OSBP2: variants seen among roughly 807,000 people sequenced by gnomAD.
The protein encoded by OSBP2 is oxysterol-binding protein 2.
In OSBP2, 66 loss-of-function variants were observed where a neutral mutation model predicts 96.0. The ratio of observed to expected loss-of-function variants is 0.69; its 90% CI spans 0.56 to 0.84. The LOEUF (loss-of-function observed/expected upper bound fraction) is 0.84. Ranked by LOEUF, OSBP2 falls within the 40% of genes least tolerant of loss-of-function variation. OSBP2 has a pLI of 0.00. For missense variants in OSBP2, 1,038 were observed against 1,222.7 expected (o/e 0.85, Z 2.25); for synonymous variants, 525 against 520.9 (o/e 1.01, Z -0.11).
intron 12 of OSBP2, among the ~76,000 whole-genome samples, chr22:30,903,671 T>G (rs556803917): frequency 6.6e-6 from 1 of 152,254 alleles, no homozygotes; most frequent in Non-Finnish European, 1.5e-5. Flanking sequence ...TCTTTTCTCC[T>G]GGGCCAAGGC....
At position 30,905,831 on chromosome 22, in the gene OSBP2, C is replaced by T; in HGVS notation, c.2376-6C>T. On this transcript the variant is annotated splice_polypyrimidine_tract_variant and splice_region_variant and intron_variant, in intron 12 of 13. Transcript: ENST00000332585. ...GCCACCGCCACCGCCACCACCACCG[C>T]CACAGGGAGAACGCGGAGAACATGT... The T allele has an allele frequency of 6.2e-7, 1 of 1,612,826 alleles. No individual in the cohort carries two copies. The highest frequency in any genetic ancestry group is 2.2e-5 in the East Asian group (1 of 44,840).
chr22:30,859,101 G>A (rs982540685), intron 2 of OSBP2, among the ~76,000 whole-genome samples: 4 of 151,884 alleles, frequency 2.6e-5, no homozygotes, highest in South Asian at 2.1e-4. Flanking sequence ...CTCAGCTTGC[G>A]CTCCAGCATT....
intron 1 of OSBP2, among the ~76,000 whole-genome samples, chr22:30,725,011 A>G (rs2089618221): frequency 1.5e-5 from 1 of 67,880 alleles, no homozygotes; most frequent in Admixed American, 1.8e-4. Context: ...CTCTCTACTA[A>G]AAATACAAAA....
At chr22:30,874,596 C>T (rs1306845919) in intron 3 of OSBP2, among the ~76,000 whole-genome samples, 1 of 152,216 alleles carries the variant, frequency 6.6e-6, no homozygotes, top group African/African-American at 2.4e-5. Context: ...GCCCATTCCA[C>T]GCACCGTCTG....
intron 2 of OSBP2, among the ~76,000 whole-genome samples, chr22:30,774,052 G>C (rs1334335947): frequency 2.0e-5 from 3 of 152,128 alleles, no homozygotes; most frequent in Non-Finnish European, 4.4e-5. Context: ...CCTCTCCCGA[G>C]TGGAGGACCA....
intron 2 of OSBP2, among the ~76,000 whole-genome samples, chr22:30,788,940 T>C (rs1416970093): frequency 6.6e-6 from 1 of 152,184 alleles, no homozygotes; most frequent in Non-Finnish European, 1.5e-5. Context: ...CTCAAACTCC[T>C]GACCTCAGGT....
intron 3 of OSBP2, among the ~76,000 whole-genome samples, chr22:30,873,232 C>T (rs2039496904): frequency 6.6e-6 from 1 of 152,160 alleles, no homozygotes; most frequent in Non-Finnish European, 1.5e-5. Context: ...AGTGATGGCC[C>T]TCATTCTCTC....
intron 3 of OSBP2, among the ~76,000 whole-genome samples, chr22:30,880,562 C>G (rs575210509): frequency 4.3e-4 from 66 of 152,292 alleles, no homozygotes; most frequent in Admixed American, 1.2e-3. Context: ...CCCTCACATC[C>G]CTGTCTAGAA....
At chr22:30,781,090 C>G (rs891071602) in intron 2 of OSBP2, among the ~76,000 whole-genome samples, 1 of 151,646 alleles carries the variant, frequency 6.6e-6, no homozygotes, top group Non-Finnish European at 1.5e-5. Context: ...ATTCTCCTGT[C>G]TCAGCCTCCC....
intron 2 of OSBP2, among the ~76,000 whole-genome samples, chr22:30,747,219 G>A (rs1445403358): frequency 6.6e-6 from 1 of 152,208 alleles, no homozygotes; most frequent in African/African-American, 2.4e-5. Context: ...AGGGGGAGAT[G>A]GGAAGTGACA....
chr22:30,870,286 CCAGGAA>C lies in OSBP2; in HGVS notation c.854-135_854-130del. On this transcript the variant is annotated intron_variant, in intron 2 of 13. Coordinates refer to ENST00000332585, the MANE Select transcript of OSBP2 (RefSeq NM_030758.4). This position sits in a 1 kb window ranked among gnomAD's most constrained non-coding sequence, Gnocchi z 4.1. ...GGATGGGGCAGGCACCTCACCCCGG[CCAGGAA>C]CAGGAACGGGCACCATCTCGGGGAC... The C allele has an allele frequency of 1.1e-6, 1 of 889,320 alleles. No homozygotes were observed. Among genetic ancestry groups the C allele is most frequent in the East Asian group, 2.6e-5 (1 of 38,366 alleles). The allele number at this position is 889,320 out of a possible 1,614,324, so 55.1% of individuals were successfully genotyped here.
intron 2 of OSBP2, among the ~76,000 whole-genome samples, chr22:30,853,920 C>T (rs1458953695): frequency 3.9e-5 from 6 of 152,056 alleles, no homozygotes; most frequent in East Asian, 1.9e-4. Flanking sequence ...CCACCATGCC[C>T]GGCTAATTTT....
chr22:30,764,182 A>T, intron 2 of OSBP2: 1 of 953,664 alleles, frequency 1.0e-6, no homozygotes, highest in Non-Finnish European at 1.2e-6. Flanking sequence ...CCCTCCATTG[A>T]TGTCATAACT....
intron 1 of OSBP2, among the ~76,000 whole-genome samples, chr22:30,735,419 T>TC (rs886626469): frequency 1.4e-5 from 2 of 145,786 alleles, no homozygotes; most frequent in African/African-American, 5.1e-5. Flanking sequence ...TCTTTTTTTT[T>TC]TTTTTTTTTT....
intron 1 of OSBP2, among the ~76,000 whole-genome samples, chr22:30,736,359 T>C (rs1218811043): frequency 6.6e-6 from 1 of 152,188 alleles, no homozygotes; most frequent in Non-Finnish European, 1.5e-5. Flanking sequence ...CCACTCTTCT[T>C]TGTCTAGTGA....
chr22:30,845,275 C>G (rs563013507), intron 2 of OSBP2, among the ~76,000 whole-genome samples: 1 of 152,172 alleles, frequency 6.6e-6, no homozygotes, highest in African/African-American at 2.4e-5. Flanking sequence ...ACCATATATA[C>G]AAAAACTTAG....
chr22:30,869,214 G>A (rs910641719), intron 2 of OSBP2, among the ~76,000 whole-genome samples: 14 of 152,194 alleles, frequency 9.2e-5, no homozygotes, highest in East Asian at 3.9e-4. Flanking sequence ...AAGAGGGGGC[G>A]TGGGAGCTGG....
upstream of OSBP2, chr22:30,693,831 GT>G: frequency 4.2e-6 from 2 of 480,076 alleles, no homozygotes; most frequent in South Asian, 2.1e-5. Flanking sequence ...GCTGGGCATG[GT>G]GCGGGCCGTG....
At chr22:30,783,613 C>T (rs1032473314) in intron 2 of OSBP2, among the ~76,000 whole-genome samples, 3 of 152,072 alleles carry the variant, frequency 2.0e-5, no homozygotes, top group Non-Finnish European at 4.4e-5. Context: ...TGAGCCACTA[C>T]GCCAGGCCAG....
Sources: gnomAD v4.1 joint callset for allele counts (sites outside exome capture counted in the v4.1 genomes callset) on GRCh38, gnomAD v4.1.1 for gene constraint, Gnocchi (gnomAD v3.1) non-coding constraint, MANE v1.5 for transcripts, NCBI Gene and HGNC (gene_info 2026-07-23, HGNC 2026-07-21) for gene names.